The following DAB1 variants were observed in gnomAD, a reference collection of about 807,000 sequenced individuals.
The protein encoded by DAB1 is DAB adaptor protein 1, also known as disabled homolog 1.
Under a neutral mutation model 64.6 loss-of-function variants are expected in DAB1, and 15 were observed. The ratio of observed to expected loss-of-function variants is 0.23; its 90% confidence interval spans 0.16 to 0.36. DAB1 has a LOEUF of 0.36. Ranked by LOEUF, DAB1 falls within the 10% of genes least tolerant of loss-of-function variation. The probability of loss-of-function intolerance (pLI) is 1.00; values close to 1 mark genes in which losing one functional copy is unlikely to be tolerated. For missense variants in DAB1, 596 were observed against 706.7 expected (o/e 0.84, Z 1.78); for synonymous variants, 235 against 251.9 (o/e 0.93, Z 0.64).
At chr1:58,463,359 A>G (rs1645262642) in intron 3 of DAB1, among the ~76,000 whole-genome samples, 1 of 152,166 alleles carries the variant, frequency 6.6e-6, no homozygotes, top group African/African-American at 2.4e-5. Context: ...AGACAACTTG[A>G]CAAGGGAAGA....
chr1:57,716,015 T>C (rs1450433999), intron 6 of DAB1, among the ~76,000 whole-genome samples: 1 of 152,170 alleles, frequency 6.6e-6, no homozygotes, highest in Non-Finnish European at 1.5e-5. Flanking sequence ...ATTCAAACGA[T>C]TCTCCTGCCT....
At chr1:57,358,412 G>T (rs1679291527) in intron 1 of DAB1, among the ~76,000 whole-genome samples, 1 of 151,904 alleles carries the variant, frequency 6.6e-6, no homozygotes, top group African/African-American at 2.4e-5. Flanking sequence ...TGATCATAAG[G>T]TTTTTGTCTT....
chr1:57,674,555 T>A (rs182472003), intron 6 of DAB1, among the ~76,000 whole-genome samples: 376 of 152,018 alleles, frequency 2.5e-3, no homozygotes, highest in Non-Finnish European at 4.2e-3. Context: ...TTCTCAGGGG[T>A]CAGCGGTCTT....
chr1:58,356,573 A>G (rs904991720), intron 3 of DAB1, among the ~76,000 whole-genome samples: 1 of 152,128 alleles, frequency 6.6e-6, no homozygotes, highest in African/African-American at 2.4e-5. Context: ...GTAAGATTAG[A>G]AGAGCCCATT....
At chr1:58,138,173 A>G (rs1426438575) in intron 5 of DAB1, among the ~76,000 whole-genome samples, 1 of 152,192 alleles carries the variant, frequency 6.6e-6, no homozygotes. Context: ...GTAAGTTTAT[A>G]AGGTAGACAT....
chr1:57,595,389 G>A (rs984351187), intron 7 of DAB1, among the ~76,000 whole-genome samples: 1 of 151,582 alleles, frequency 6.6e-6, no homozygotes, highest in Admixed American at 6.6e-5. Flanking sequence ...TGGTCCTGGG[G>A]CTATCTCTAG....
intron 5 of DAB1, among the ~76,000 whole-genome samples, chr1:57,907,463 G>A (rs1350232092): frequency 1.3e-5 from 2 of 152,222 alleles, no homozygotes; most frequent in Non-Finnish European, 2.9e-5. Context: ...GCACCCAAGT[G>A]CCTGGTGTGT....
intron 5 of DAB1, 130 bp downstream of exon 5, chr1:57,072,153 G>T: frequency 1.0e-6 from 1 of 985,892 alleles, no homozygotes; most frequent in African/African-American, 1.6e-5. Context: ...ATGGGAATGT[G>T]AGCATCAACT....
At chr1:57,813,807 C>T (rs945248524) in intron 6 of DAB1, among the ~76,000 whole-genome samples, 1 of 152,170 alleles carries the variant, frequency 6.6e-6, no homozygotes, top group African/African-American at 2.4e-5. Flanking sequence ...TTTATTGCAT[C>T]GAAGCCTTAT....
intron 5 of DAB1, among the ~76,000 whole-genome samples, chr1:58,109,512 A>G (rs564936579): frequency 6.6e-6 from 1 of 152,096 alleles, no homozygotes; most frequent in East Asian, 1.9e-4. Context: ...TAATGGATCA[A>G]CTCCGTAAGC....
At chr1:57,951,320 A>ATATATATATATATATATATATG (rs1002592985) in intron 5 of DAB1, among the ~76,000 whole-genome samples, 1 of 123,320 alleles carries the variant, frequency 8.1e-6, no homozygotes, top group African/African-American at 2.8e-5. Context: ...CCTGATTCAT[A>ATATATATATATATATATATATG]TATATATATA....
chr1:58,132,070 T>A (rs4357554), intron 5 of DAB1, among the ~76,000 whole-genome samples: 7 of 151,898 alleles, frequency 4.6e-5, no homozygotes, highest in African/African-American at 1.7e-4. Context: ...AATGCCGCCT[T>A]GCAGTTTGAT....
intron 2 of DAB1, among the ~76,000 whole-genome samples, chr1:57,151,662 C>G (rs990713711): frequency 6.6e-6 from 1 of 151,978 alleles, no homozygotes; most frequent in East Asian, 1.9e-4. Context: ...TTGGGGTTTT[C>G]AAATAGATAA....
At chr1:58,175,418 G>A (rs1463978227) in intron 4 of DAB1, among the ~76,000 whole-genome samples, 1 of 152,150 alleles carries the variant, frequency 6.6e-6, no homozygotes, top group Non-Finnish European at 1.5e-5. Flanking sequence ...CAGGGTCCAC[G>A]GCTTCATTCT....
At chr1:57,060,173 C>T (rs1043286120) in intron 9 of DAB1, among the ~76,000 whole-genome samples, 21 of 46,622 alleles carry the variant, frequency 4.5e-4, no homozygotes, top group South Asian at 1.3e-3. Context: ...TTATTTGAGA[C>T]GGAGTTTGGC....
chr1:57,375,021 A>T (rs1177113072), intron 1 of DAB1, among the ~76,000 whole-genome samples: 1 of 152,160 alleles, frequency 6.6e-6, no homozygotes, highest in Non-Finnish European at 1.5e-5. Flanking sequence ...ATCACAAATC[A>T]TAACAATAGA....
chr1:57,511,246 G>GA (rs1644402001), intron 7 of DAB1, among the ~76,000 whole-genome samples: 1 of 152,064 alleles, frequency 6.6e-6, no homozygotes, highest in Non-Finnish European at 1.5e-5. Flanking sequence ...ATATTTCTAT[G>GA]AAAAATAACA....
At chr1:57,553,901 G>A (rs1644956858) in intron 7 of DAB1, among the ~76,000 whole-genome samples, 1 of 152,036 alleles carries the variant, frequency 6.6e-6, no homozygotes, top group Non-Finnish European at 1.5e-5. Flanking sequence ...GTTTAGGGGA[G>A]GTTAACGGGA....
intron 5 of DAB1, among the ~76,000 whole-genome samples, chr1:57,984,933 G>A (rs1429074253): frequency 2.0e-5 from 3 of 151,600 alleles, no homozygotes; most frequent in East Asian, 3.9e-4. Flanking sequence ...TTTTGAGATG[G>A]AGTCTCACTC....
Sources: allele counts gnomAD v4.1 joint callset (sites outside exome capture counted in the v4.1 genomes callset), GRCh38; gene constraint gnomAD v4.1.1; transcripts MANE v1.5; gene names NCBI Gene and HGNC (gene_info 2026-07-23, HGNC 2026-07-21).